Variants in CENPP observed in about 807,000 individuals in gnomAD.
CENPP encodes centromere protein P.
In CENPP, 24 loss-of-function variants were observed where a neutral mutation model predicts 35.6. The ratio of observed to expected loss-of-function variants is 0.67; its 90% CI spans 0.49 to 0.95. The LOEUF is 0.95. Ranked by LOEUF, CENPP falls within the 40% of genes least tolerant of loss-of-function variation. CENPP has a pLI of 0.00. For missense variants in CENPP, 332 were observed against 345.3 expected, an observed-to-expected ratio of 0.96 and a Z score of 0.31; for synonymous variants, 120 against 125.5, an observed-to-expected ratio of 0.96 and a Z score of 0.29.
intron 5 of CENPP, chr9:92,475,021 A>C: frequency 1.6e-6 from 2 of 1,259,094 alleles, no homozygotes; most frequent in Non-Finnish European, 2.1e-6. Flanking sequence ...ATGGCATTTT[A>C]ATCCATTGCT....
chr9:92,457,875 G>T (rs1227682081), intron 5 of CENPP, among the ~76,000 whole-genome samples: 1 of 152,062 alleles, frequency 6.6e-6, no homozygotes, highest in Non-Finnish European at 1.5e-5. Context: ...ACATATTTAT[G>T]TGTATATATA....
At chr9:92,482,176 G>A (rs1324961176) in intron 5 of CENPP, 1 of 152,038 alleles carries the variant, frequency 6.6e-6, no homozygotes, top group Admixed American at 6.6e-5. Flanking sequence ...AGAAATTATA[G>A]AGATAAACTT....
At position 92,590,247 on chromosome 9, in the gene CENPP, AAACTTT is replaced by A. The variant is rs553630048; in HGVS notation, c.565-21059_565-21054del. On this transcript the variant is annotated intron_variant, in intron 5 of 7. Coordinates refer to ENST00000375587, the MANE Select transcript of CENPP (RefSeq NM_001012267.3). ...AACTACTTGTTCTAAGGTTTTTTTC[AAACTTT>A]AACTTTAGTTTCTTCTCAATGCATT... 3.4e-4 allele frequency among the ~76,000 whole-genome samples: 52 copies of A among 152,326 alleles called. No individual in the cohort carries two copies. The South Asian group carries it at 9.7e-3, about 29-fold the overall frequency.
chr9:92,417,115 T>C, intron 5 of CENPP: 1 of 1,613,770 alleles, frequency 6.2e-7, no homozygotes, highest in South Asian at 1.1e-5. Context: ...TATTATGCTC[T>C]AGATGAAGTT....
At chr9:92,500,804 A>T in intron 5 of CENPP, 1 of 1,614,200 alleles carries the variant, frequency 6.2e-7, no homozygotes, top group Non-Finnish European at 8.5e-7. Flanking sequence ...ATTTTAAGTC[A>T]TTGTGATCCA....
intron 5 of CENPP, among the ~76,000 whole-genome samples, chr9:92,477,106 G>C (rs992268592): frequency 6.6e-6 from 1 of 152,128 alleles, no homozygotes; most frequent in Non-Finnish European, 1.5e-5. Flanking sequence ...CTTTTGGAGA[G>C]CCCCAGGTGG....
chr9:92,557,293 G>A (rs1849747218), intron 5 of CENPP, among the ~76,000 whole-genome samples: 1 of 152,180 alleles, frequency 6.6e-6, no homozygotes, highest in Non-Finnish European at 1.5e-5. Context: ...TGATGACAGT[G>A]TGCCTAGGCA....
chr9:92,601,999 A>G (rs941260716), intron 5 of CENPP, among the ~76,000 whole-genome samples: 5 of 152,172 alleles, frequency 3.3e-5, no homozygotes, highest in African/African-American at 4.8e-5. Context: ...CTGGTTTGTA[A>G]ATACTGTCAG....
At chr9:92,415,183 A>G (rs1299953217) in intron 5 of CENPP, 1 of 1,610,770 alleles carries the variant, frequency 6.2e-7, no homozygotes, top group Non-Finnish European at 8.5e-7. Flanking sequence ...ATGAAGGTCA[A>G]AGTGCCCTTC....
At chr9:92,509,453 G>A (rs1264801696) in intron 5 of CENPP, among the ~76,000 whole-genome samples, 1 of 152,198 alleles carries the variant, frequency 6.6e-6, no homozygotes, top group Non-Finnish European at 1.5e-5. Context: ...GTGTATGGAG[G>A]CAGCAAGAGT....
chr9:92,431,985 T>C (rs1187825478), intron 5 of CENPP, among the ~76,000 whole-genome samples: 3 of 152,220 alleles, frequency 2.0e-5, no homozygotes, highest in Non-Finnish European at 4.4e-5. Flanking sequence ...TTACAGTTTT[T>C]CAGTTGATTC....
rs767112651 is a variant in CENPP, at chr9:92,385,633, C to A, written c.564+5774C>A. On this transcript the variant is annotated intron_variant, in intron 5 of 7. Coordinates refer to ENST00000375587, the MANE Select transcript of CENPP (RefSeq NM_001012267.3). ...TACCAATAGAGGTTAAAAGTATGAC[C>A]CTATCGGTAATCTTTTTAAGCAAAT... 4 of 1,613,736 alleles carry A rather than the reference C, an allele frequency of 2.5e-6. No individual in the cohort carries two copies. In the South Asian group the frequency reaches 4.4e-5, roughly 18 times the overall value.
chr9:92,461,687 T>C (rs1354355868), intron 5 of CENPP, among the ~76,000 whole-genome samples: 2 of 152,210 alleles, frequency 1.3e-5, no homozygotes, highest in Non-Finnish European at 2.9e-5. Context: ...GTTGCCTAGA[T>C]CCATTCTGTC....
intron 5 of CENPP, among the ~76,000 whole-genome samples, chr9:92,558,920 C>T (rs1000456958): frequency 1.3e-5 from 2 of 151,914 alleles, no homozygotes; most frequent in African/African-American, 2.4e-5. Context: ...TGGGGAAAGC[C>T]GGCAGTCACA....
intron 4 of CENPP, among the ~76,000 whole-genome samples, chr9:92,349,639 T>G (rs1841393663): frequency 6.6e-6 from 1 of 152,114 alleles, no homozygotes; most frequent in Admixed American, 6.5e-5. Context: ...CCTGACCTAG[T>G]GATCCGCCCA....
chr9:92,329,224 G>A (rs576041929), intron 1 of CENPP, among the ~76,000 whole-genome samples: 49 of 132,632 alleles, frequency 3.7e-4, no homozygotes, highest in Admixed American at 1.4e-3. Context: ...CGCTCTTGTC[G>A]CCCAGGCTGG....
At chr9:92,330,587 T>C (rs544745326) in intron 1 of CENPP, among the ~76,000 whole-genome samples, 37 of 151,456 alleles carry the variant, frequency 2.4e-4, no homozygotes, top group Admixed American at 5.2e-4. Context: ...GCAGAGTGTT[T>C]AAAGGAAATA....
At chr9:92,513,248 G>A (rs1847469810) in intron 5 of CENPP, among the ~76,000 whole-genome samples, 1 of 152,144 alleles carries the variant, frequency 6.6e-6, no homozygotes, top group South Asian at 2.1e-4. Flanking sequence ...TGGGCAGAAG[G>A]TCTAGATGAC....
chr9:92,409,468 G>T (rs1033626016), intron 5 of CENPP, among the ~76,000 whole-genome samples: 3 of 152,116 alleles, frequency 2.0e-5, no homozygotes, highest in Admixed American at 6.5e-5. Context: ...TATATAATAT[G>T]CATACATCTG....
Sources: gnomAD v4.1 joint callset for allele counts (sites outside exome capture counted in the v4.1 genomes callset) on GRCh38, gnomAD v4.1.1 for gene constraint, MANE v1.5 for transcripts, NCBI Gene and HGNC (gene_info 2026-07-23, HGNC 2026-07-21) for gene names.